Variants in CEP112 observed in about 807,000 individuals in gnomAD.
CEP112 encodes the protein centrosomal protein 112, also known as centrosomal protein of 112 kDa.
A neutral mutation model predicts 153.0 loss-of-function variants in CEP112; 127 were observed. The ratio of observed to expected loss-of-function variants is 0.83; its 90% CI spans 0.72 to 0.96. The LOEUF (loss-of-function observed/expected upper bound fraction) is 0.96, where lower values mean the gene tolerates loss of function less well. Ranked by LOEUF, CEP112 falls within the 40% of genes least tolerant of loss-of-function variation. The probability of loss-of-function intolerance (pLI) is 0.00; values close to 1 mark genes in which losing one functional copy is unlikely to be tolerated. For synonymous variants in CEP112, 358 were observed against 374.4 expected, an observed-to-expected ratio of 0.96 and a Z score of 0.51; for missense variants, 1,089 against 1,101.2, an observed-to-expected ratio of 0.99 and a Z score of 0.16.
chr17:65,642,993 A>G (rs1373502693), intron 24 of CEP112, among the ~76,000 whole-genome samples: 1 of 152,122 alleles, frequency 6.6e-6, no homozygotes, highest in African/African-American at 2.4e-5. Context: ...CAGGCTCCCT[A>G]TTTCTTTCCC....
chr17:66,163,415 T>C (rs1047433240), intron 4 of CEP112, among the ~76,000 whole-genome samples: 5 of 152,204 alleles, frequency 3.3e-5, no homozygotes, highest in Non-Finnish European at 7.4e-5. Context: ...TTGGGTATAT[T>C]ACTAAATATA....
intron 16 of CEP112, among the ~76,000 whole-genome samples, chr17:66,012,404 C>G (rs2064570811): frequency 6.6e-6 from 1 of 152,122 alleles, no homozygotes; most frequent in African/African-American, 2.4e-5. Flanking sequence ...TCTTCAGAAC[C>G]TCTTATAAGG....
chr17:65,999,816 C>A (rs577795836), intron 17 of CEP112, among the ~76,000 whole-genome samples: 5 of 151,974 alleles, frequency 3.3e-5, no homozygotes. Context: ...TGACAACATG[C>A]GGTATTTGGT....
At chr17:65,835,325 A>C (rs181100487) in intron 21 of CEP112, among the ~76,000 whole-genome samples, 79 of 152,306 alleles carry the variant, frequency 5.2e-4, no homozygotes, top group Non-Finnish European at 3.7e-4. Context: ...TCAAATCCCA[A>C]GAAAAATTAT....
At chr17:66,154,645 C>G (rs2071357904) in intron 4 of CEP112, among the ~76,000 whole-genome samples, 1 of 151,976 alleles carries the variant, frequency 6.6e-6, no homozygotes, top group South Asian at 2.1e-4. Flanking sequence ...TACCACATAC[C>G]TAAATGAGAA....
Position 65,635,825 on chromosome 17 carries a change from G to A in CEP112, c.*146C>T, listed in dbSNP as rs2044740633. On this transcript the variant is annotated 3_prime_UTR_variant, in exon 27 of 27. Transcript: ENST00000535342. ...AAAACCACCCCACTAGTGTATGAAT[G>A]ATGCATGTTTTTATGATCTTAATTA... 29 of 792,664 alleles carry A rather than the reference G, an allele frequency of 3.7e-5. No individual in the cohort carries two copies. The South Asian group carries it at 4.7e-4, about 13-fold the overall frequency. 49.1% of individuals were successfully genotyped at this position (792,664 alleles called of 1,614,324 possible). A position where few individuals can be genotyped will look rare whatever the true frequency, so the allele number is the denominator to read the frequency against.
intron 8 of CEP112, among the ~76,000 whole-genome samples, chr17:66,071,006 A>G (rs576558716): frequency 6.6e-6 from 1 of 152,308 alleles, no homozygotes; most frequent in East Asian, 1.9e-4. Context: ...TGTGGCACAA[A>G]GTAAGTATGC....
intron 18 of CEP112, among the ~76,000 whole-genome samples, chr17:65,927,901 A>G (rs2060986602): frequency 6.6e-6 from 1 of 152,166 alleles, no homozygotes; most frequent in Admixed American, 6.5e-5. Context: ...TATATAATTG[A>G]CTAAATTCTA....
intron 18 of CEP112, among the ~76,000 whole-genome samples, chr17:65,946,419 A>G (rs1271140980): frequency 6.6e-6 from 1 of 152,080 alleles, no homozygotes; most frequent in Non-Finnish European, 1.5e-5. Flanking sequence ...TGCACCATTT[A>G]TTGAATTGGT....
intron 4 of CEP112, among the ~76,000 whole-genome samples, chr17:66,138,164 C>A (rs2070523043): frequency 6.6e-6 from 1 of 152,092 alleles, no homozygotes; most frequent in Non-Finnish European, 1.5e-5. Context: ...TCTCCTCGCC[C>A]AACTAAAATT....
intron 6 of CEP112, 85 bp downstream of exon 6, chr17:66,129,661 T>A (rs1367444516): frequency 2.0e-6 from 2 of 982,888 alleles, no homozygotes; most frequent in Admixed American, 4.6e-5. Context: ...GTTCACTGAA[T>A]AAAATCAAAT....
At chr17:65,970,144 T>C (rs900176767) in intron 17 of CEP112, among the ~76,000 whole-genome samples, 1 of 152,188 alleles carries the variant, frequency 6.6e-6, no homozygotes, top group Non-Finnish European at 1.5e-5. Context: ...TTTATGTATT[T>C]TGCATGTGTA....
chr17:65,847,000 A>G (rs373396347), intron 21 of CEP112, among the ~76,000 whole-genome samples: 4 of 152,186 alleles, frequency 2.6e-5, no homozygotes. Flanking sequence ...AAAAATATCA[A>G]TCATTGGAAA....
intron 4 of CEP112, among the ~76,000 whole-genome samples, chr17:66,144,529 C>G (rs1158892146): frequency 6.6e-6 from 1 of 152,128 alleles, no homozygotes. Context: ...CCCATCTCTA[C>G]TAAAAATACA....
intron 19 of CEP112, among the ~76,000 whole-genome samples, chr17:65,919,394 C>T (rs868394998): frequency 3.9e-5 from 6 of 152,242 alleles, no homozygotes; most frequent in Admixed American, 2.0e-4. Context: ...AGATGCTCGG[C>T]GTCTAAATCC....
chr17:66,176,672 T>G lies in CEP112; in HGVS notation c.297+158A>C, dbSNP rs2072489499. On this transcript the variant is annotated intron_variant, in intron 3 of 26. Transcript: ENST00000535342. ...CTTATAAGCAATACATGTATTTTAT[T>G]AAAGGTGGAAAAAAATTGAATCAGG... The G allele has an allele frequency of 6.2e-6, 3 of 484,212 alleles. No homozygotes were observed. The South Asian group carries it at 1.7e-4, about 27-fold the overall frequency. 30.0% of individuals were successfully genotyped at this position (484,212 alleles called of 1,614,324 possible). A position where few individuals can be genotyped will look rare whatever the true frequency, so the allele number is the denominator to read the frequency against.
chr17:65,938,690 A>T (rs1310928045), intron 18 of CEP112, among the ~76,000 whole-genome samples: 1 of 152,192 alleles, frequency 6.6e-6, no homozygotes, highest in Non-Finnish European at 1.5e-5. Flanking sequence ...CTATATACAG[A>T]AAACCCTAAG....
At chr17:65,855,885 G>C (rs1236332726) in intron 20 of CEP112, among the ~76,000 whole-genome samples, 1 of 152,046 alleles carries the variant, frequency 6.6e-6, no homozygotes, top group Non-Finnish European at 1.5e-5. Flanking sequence ...GCAATATAGT[G>C]AGGCTCCTTC....
At chr17:66,077,090 C>A (rs1425732440) in intron 8 of CEP112, among the ~76,000 whole-genome samples, 1 of 152,052 alleles carries the variant, frequency 6.6e-6, no homozygotes, top group Non-Finnish European at 1.5e-5. Context: ...AGAGCCTACC[C>A]AAATGAGAAG....
Sources: gnomAD v4.1 joint callset for allele counts (sites outside exome capture counted in the v4.1 genomes callset) on GRCh38, gnomAD v4.1.1 for gene constraint, MANE v1.5 for transcripts, NCBI Gene and HGNC (gene_info 2026-07-23, HGNC 2026-07-21) for gene names.